The following FASN variants were observed in gnomAD, a reference collection of about 807,000 sequenced individuals.
FASN encodes the protein fatty acid synthase.
Under a neutral mutation model 250.0 loss-of-function variants are expected in FASN, and 50 were observed. The observed-to-expected ratio is 0.20, with a 90% CI of 0.16 to 0.25. The LOEUF is 0.25. FASN is among the 10% of genes least tolerant of loss of function. The pLI, the probability that FASN is intolerant of heterozygous loss-of-function variation, is 1.00. For synonymous variants in FASN, 1,909 were observed against 1,584.0 expected (o/e 1.21, Z -4.87); for missense variants, 3,031 against 3,498.5 (o/e 0.87, Z 3.37).
intron 1 of FASN, chr17:82,096,682 G>C (rs1366080561): frequency 1.6e-5 from 10 of 606,778 alleles, no homozygotes; most frequent in Non-Finnish European, 2.7e-5. Context: ...TCTGGGCCCT[G>C]ACCCATTCAG....
At chr17:82,094,444 A>G (rs1354577401) in intron 3 of FASN, among the ~76,000 whole-genome samples, 1 of 151,752 alleles carries the variant, frequency 6.6e-6, no homozygotes, top group Non-Finnish European at 1.5e-5. Context: ...CCCAGGGCTC[A>G]GCCTCCCCCT....
intron 8 of FASN, among the ~76,000 whole-genome samples, chr17:82,092,116 C>T (rs78330892): frequency 0.089 from 13,467 of 152,152 alleles, 792 homozygotes; most frequent in Non-Finnish European, 0.13. Context: ...GACGGGTGGG[C>T]GACACGGGAG....
intron 4 of FASN, 33 bp from the exon 5 acceptor site, chr17:82,093,452 C>G: frequency 6.3e-7 from 1 of 1,588,080 alleles, no homozygotes; most frequent in South Asian, 1.1e-5. Context: ...TCAGGTGGGG[C>G]TGTGAGCACA....
At position 82,088,101 on chromosome 17, in the gene FASN, T is replaced by C; in HGVS notation, c.2785+15A>G. 1 of 1,612,724 alleles carries C rather than the reference T, an allele frequency of 6.2e-7. No homozygotes were observed. Reference sequence around the variant, plus strand: ...CCCCCAGCTACCCCCGCCTTGGTCCTGGGGTACCCCTCACCAGTCTTGGGC... The same window carrying C: ...CCCCCAGCTACCCCCGCCTTGGTCCCGGGGTACCCCTCACCAGTCTTGGGC... On this transcript the variant is annotated intron_variant, in intron 17 of 42. Coordinates refer to ENST00000306749, the MANE Select transcript of FASN (RefSeq NM_004104.5).
chr17:82,082,337 G>A lies in FASN; in HGVS notation c.5997C>T (p.Thr1999=), dbSNP rs200041873. Residue 1999 remains threonine, a synonymous_variant, in exon 35 of 43, where the codon ACC becomes ACT. Transcript: ENST00000306749. ...GCGGTACCCACCTGTCCAGGTTCAG[G>A]GTGCCGCTGTACTTGGGCTTGCAGA... ...QDVCKPKYSG[T]LNLDRVTREA... The A allele has an allele frequency of 2.3e-4, 378 of 1,612,796 alleles. No homozygotes were observed. The highest frequency in any genetic ancestry group is 2.8e-4 in the Non-Finnish European group (326 of 1,179,998).
rs2034128636 is a variant in FASN at position 82,087,632 on chromosome 17, C to T, written c.3043+53G>A. The T allele has an allele frequency of 2.5e-6, 4 of 1,604,718 alleles. No homozygotes were observed. The South Asian group carries it at 3.3e-5, about 13-fold the overall frequency. The stretch of plus-strand genomic sequence containing the variant: ...CTGTGGGTGCCCTCTGTGGTCCCCA[C>T]AATGACGACCGCCCTCCCCGGTGGC... On this transcript the variant is annotated intron_variant, in intron 19 of 42. Transcript: ENST00000306749.
Position 82,079,157 on chromosome 17 carries a change from C to T in FASN, c.7522G>A (p.Val2508Met). The T allele has an allele frequency of 3.1e-6, 5 of 1,612,194 alleles. No homozygotes were observed. The highest frequency in any genetic ancestry group is 4.2e-6 in the Non-Finnish European group (5 of 1,179,910). Reference sequence around the variant, plus strand: ...GGGGCACGGGCCTAGCCCTCCCGCACGCTCACGCGTGGCTCAGCCAGGGAG... The same window carrying T: ...GGGGCACGGGCCTAGCCCTCCCGCATGCTCACGCGTGGCTCAGCCAGGGAG... ...HSSLAEPRVSVREG is the reference protein window; with the variant it reads ...HSSLAEPRVSMREG The change falls in exon 43 of 43, where the codon GTG (valine) becomes ATG (methionine). Residue 2508 changes from valine to methionine, a missense_variant. Transcript: ENST00000306749.
chr17:82,079,809 C>T, intron 41 of FASN: 1 of 739,444 alleles, frequency 1.4e-6, no homozygotes. Flanking sequence ...CCTCCACCTA[C>T]CCGGTTCAAG....
intron 28 of FASN, 23 bp downstream of exon 28, chr17:82,084,211 G>A: frequency 6.2e-7 from 1 of 1,610,720 alleles, no homozygotes; most frequent in Non-Finnish European, 8.5e-7. Context: ...TGGGGCCCAG[G>A]CTCACACCCT....
At chr17:82,095,095 G>C (rs754696085) in intron 3 of FASN, among the ~76,000 whole-genome samples, 1 of 152,206 alleles carries the variant, frequency 6.6e-6, no homozygotes. Context: ...AGACTGGTAC[G>C]CTCAGGTCAG....
chr17:82,084,073 G>C lies in FASN; in HGVS notation c.5000C>G (p.Pro1667Arg). Residue 1667 changes from proline (P) to arginine (R), a missense_variant, in exon 29 of 43, where the codon CCC (proline) becomes CGC (arginine). Pro to Arg is a moderately radical substitution (Grantham distance 103). Transcript: ENST00000306749. The stretch of plus-strand genomic sequence containing the variant: ...CGAGTGGATGAGCAGCGTCTCCCCG[G>C]GGCGCACCCGCCCACGCACCACCAG... The part of the protein sequence containing the change: ...YALVVRGRVR[P>R]GETLLIHSGS... 2 of 1,553,482 alleles carry C rather than the reference G, an allele frequency of 1.3e-6. No homozygotes were observed. Among genetic ancestry groups the C allele is most frequent in the South Asian group, 2.4e-5 (2 of 84,588 alleles).
In FASN at chr17:82,084,968, G is replaced by A. The variant is rs758724830; in HGVS notation, c.4410-15C>T. 3.4e-5 allele frequency: 54 copies of A among 1,565,308 alleles called. No individual in the cohort carries two copies. Among genetic ancestry groups the A allele is most frequent in the Admixed American group, 1.1e-4 (6 of 52,738 alleles). On this transcript the variant is annotated splice_polypyrimidine_tract_variant and intron_variant, in intron 25 of 42. Transcript: ENST00000306749. ...GCAGCACACACCTGGGGGCAGAGGC[G>A]GGGAGCTCAGGCTGGGGATGGGGAG...
Position 82,080,252 on chromosome 17 carries a change from G to A in FASN, c.7048-14C>T, listed in dbSNP as rs1383181118. 6.2e-7 allele frequency: 1 copy of A among 1,612,958 alleles called. No individual in the cohort carries two copies. Among genetic ancestry groups the A allele is most frequent in the Non-Finnish European group, 8.5e-7 (1 of 1,179,966 alleles). On this transcript the variant is annotated splice_polypyrimidine_tract_variant and intron_variant, in intron 40 of 42. Coordinates refer to ENST00000306749, the MANE Select transcript of FASN (RefSeq NM_004104.5). ...TGCCCGGTAGCTCTGAGAGGAAGGA[G>A]GGACTGCTGAGCAGATGGAAGGGGC...
chr17:82,093,142 G>GCTCA, intron 5 of FASN, 77 bp downstream of exon 5: 1 of 1,539,452 alleles, frequency 6.5e-7, no homozygotes, highest in Non-Finnish European at 8.8e-7. Context: ...GCAGGATCCT[G>GCTCA]CTCAGCGTGG....
At position 82,085,257 on chromosome 17, in the gene FASN, C is replaced by T. The variant is rs748110849; in HGVS notation, c.4268G>A (p.Arg1423His). Residue 1423 changes from arginine (R) to histidine (H), a missense_variant, in exon 24 of 43, where the codon CGC becomes CAC. Transcript: ENST00000306749. ...CCTGACCTTCAGAGACTCCACCCAGCGGAAGCTGGTATCGTCCACCGGCAG... is the reference window on the plus strand; with the variant it reads ...CCTGACCTTCAGAGACTCCACCCAGTGGAAGCTGGTATCGTCCACCGGCAG... ...IFLPVDDTSFRWVESLKGILA... is the reference protein window; with the variant it reads ...IFLPVDDTSFHWVESLKGILA... 20 of 1,611,440 alleles carry T rather than the reference C, an allele frequency of 1.2e-5. No homozygotes were observed. Among genetic ancestry groups the T allele is most frequent in the East Asian group, 2.2e-5 (1 of 44,860 alleles).
At position 82,091,250 on chromosome 17, in the gene FASN, G is replaced by A. The variant is rs757084318; in HGVS notation, c.1464C>T (p.Gly488=). Residue 488 remains glycine, a synonymous_variant, in exon 9 of 43, where the codon GGC becomes GGT. Coordinates refer to ENST00000306749, the MANE Select transcript of FASN (RefSeq NM_004104.5). ...AGCAGATGAACCAGAGCGGGCGCTCGCCAGCGGGCACCTGCTGCACCTCTG... is the reference window on the plus strand; with the variant it reads ...AGCAGATGAACCAGAGCGGGCGCTCACCAGCGGGCACCTGCTGCACCTCTG... ...GGPEVQQVPA[G]ERPLWFICSG... 76 of 1,600,468 alleles carry A rather than the reference G, an allele frequency of 4.7e-5. No homozygotes were observed. The highest frequency in any genetic ancestry group is 6.7e-5 in the East Asian group (3 of 44,590).
At chr17:82,089,814 G>C in intron 11 of FASN, 88 bp from the exon 12 acceptor site, 3 of 1,172,248 alleles carry the variant, frequency 2.6e-6, no homozygotes, top group Admixed American at 4.0e-5. Context: ...GCAGCTGGGG[G>C]CAGTAATGAC....
In FASN at chr17:82,089,429, A is replaced by C. The variant is rs745812611; in HGVS notation, c.1966-45T>G. 3.1e-6 allele frequency: 5 copies of C among 1,612,354 alleles called. No homozygotes were observed. In the East Asian group the frequency reaches 1.1e-4, roughly 36 times the overall value. Reference sequence around the variant, plus strand: ...GGATAAGCATCCTGGCTGGGCACCCACCTCAGGCTCGGAGAGGTAGGGCGC... The same window carrying C: ...GGATAAGCATCCTGGCTGGGCACCCCCCTCAGGCTCGGAGAGGTAGGGCGC... On this transcript the variant is annotated intron_variant, in intron 12 of 42. Transcript: ENST00000306749.
In FASN at chr17:82,085,085, C is replaced by G; in HGVS notation, c.4359G>C (p.Val1453=). 6.2e-7 allele frequency: 1 copy of G among 1,612,586 alleles called. No homozygotes were observed. The highest frequency in any genetic ancestry group is 8.5e-7 in the Non-Finnish European group (1 of 1,179,874). Residue 1453 remains valine, a synonymous_variant, in exon 25 of 43, where the codon GTG becomes GTC. Coordinates refer to ENST00000306749, the MANE Select transcript of FASN (RefSeq NM_004104.5). The part of the protein sequence containing the change: ...LKAINCATSG[V]VGLVNCLRRE... ...GGCGGAGACAGTTCACCAAGCCCAC[C>G]ACGCCCGAGGTGGCACAGTTGATGG... is the stretch of plus-strand genomic sequence containing the variant.
Sources: allele counts gnomAD v4.1 joint callset (sites outside exome capture counted in the v4.1 genomes callset), GRCh38; gene constraint gnomAD v4.1.1; transcripts MANE v1.5; gene names NCBI Gene and HGNC (gene_info 2026-07-23, HGNC 2026-07-21).